Variants in DLGAP2 observed in about 807,000 individuals in gnomAD.
DLGAP2 encodes disks large-associated protein 2.
Under a neutral mutation model 100.3 loss-of-function variants are expected in DLGAP2, and 26 were observed. That is an observed-to-expected ratio of 0.26 (90% CI 0.19 to 0.36). The LOEUF (loss-of-function observed/expected upper bound fraction) is 0.36. Among genes scored for constraint, DLGAP2 ranks in the 10% least tolerant of loss-of-function variants. DLGAP2 has a pLI of 1.00. For missense variants in DLGAP2, 1,858 were observed against 1,453.2 expected (o/e 1.28, Z -4.53); for synonymous variants, 886 against 630.1 (o/e 1.41, Z -6.08).
At chr8:1,322,484 G>A (rs779392439) in intron 3 of DLGAP2, among the ~76,000 whole-genome samples, 23 of 151,592 alleles carry the variant, frequency 1.5e-4, no homozygotes, top group African/African-American at 5.1e-4. Context: ...AGCATGCTGC[G>A]TCCTGCTTCT....
chr8:1,058,573 G>T (rs987268143), intron 2 of DLGAP2, among the ~76,000 whole-genome samples: 4 of 152,186 alleles, frequency 2.6e-5, no homozygotes, highest in African/African-American at 9.6e-5. Context: ...TGGCAAAGAG[G>T]AGATCAACTT....
chr8:1,000,186 G>A (rs982757979), intron 2 of DLGAP2, among the ~76,000 whole-genome samples: 1 of 150,756 alleles, frequency 6.6e-6, no homozygotes, highest in African/African-American at 2.4e-5. Context: ...CCGGGTGGAG[G>A]TGGTTTTCTT....
chr8:1,453,431 G>A (rs540336935), intron 3 of DLGAP2, among the ~76,000 whole-genome samples: 9 of 152,274 alleles, frequency 5.9e-5, no homozygotes, highest in African/African-American at 1.7e-4. Flanking sequence ...TATTGTTAGG[G>A]TCGACCTAAT....
At chr8:1,360,860 C>T (rs917793159) in intron 3 of DLGAP2, among the ~76,000 whole-genome samples, 4 of 152,230 alleles carry the variant, frequency 2.6e-5, no homozygotes, top group African/African-American at 7.2e-5. Context: ...CGGTGAGATC[C>T]AGACAGAGAC....
At chr8:1,608,296 G>GCC in intron 6 of DLGAP2, among the ~76,000 whole-genome samples, 10 of 112,290 alleles carry the variant, frequency 8.9e-5, no homozygotes, top group African/African-American at 2.9e-4. Flanking sequence ...ACCTCACACG[G>GCC]CAGGGTATTC....
chr8:1,188,103 G>A (rs528938311), intron 2 of DLGAP2, among the ~76,000 whole-genome samples: 4 of 136,776 alleles, frequency 2.9e-5, no homozygotes, highest in Middle Eastern at 4.6e-3. Flanking sequence ...TCACACACCC[G>A]GGACCTCCGT....
intron 11 of DLGAP2, among the ~76,000 whole-genome samples, chr8:1,677,967 A>AACTT (rs1206131708): frequency 6.6e-6 from 1 of 152,210 alleles, no homozygotes. Flanking sequence ...TCATTCAATA[A>AACTT]ACTTAAATCC....
intron 3 of DLGAP2, among the ~76,000 whole-genome samples, chr8:1,421,960 C>T (rs1294619532): frequency 2.0e-5 from 3 of 151,494 alleles, no homozygotes; most frequent in Non-Finnish European, 4.4e-5. Flanking sequence ...AGTGAGACTC[C>T]ATCTCAAAAA....
intron 2 of DLGAP2, among the ~76,000 whole-genome samples, chr8:1,148,566 C>A (rs1299643974): frequency 2.8e-5 from 1 of 35,154 alleles, no homozygotes; most frequent in Non-Finnish European, 7.0e-5. Context: ...CTTAATACTT[C>A]AATTTTTTAT....
chr8:1,318,678 A>G (rs942652097), intron 3 of DLGAP2, among the ~76,000 whole-genome samples: 2 of 151,962 alleles, frequency 1.3e-5, no homozygotes, highest in East Asian at 1.9e-4. Flanking sequence ...GCCAAGCAAC[A>G]TACTAAGTTA....
At chr8:766,647 G>A (rs895482942) in intron 1 of DLGAP2, among the ~76,000 whole-genome samples, 2 of 152,150 alleles carry the variant, frequency 1.3e-5, no homozygotes, top group East Asian at 1.9e-4. Context: ...GATCATGTCC[G>A]TTGACCAGTG....
intron 2 of DLGAP2, among the ~76,000 whole-genome samples, chr8:1,208,915 G>T (rs1798050275): frequency 6.8e-6 from 1 of 147,328 alleles, no homozygotes; most frequent in Admixed American, 6.8e-5. Context: ...TAAATAAAAT[G>T]CTTAGGAATA....
rs372191750 is a variant in DLGAP2, at chr8:856,387, C to T, written c.19-51525C>T. Among the ~76,000 whole-genome samples the T allele has an allele frequency of 2.3e-4, 35 of 152,020 alleles. 1 individual carries two copies. Among genetic ancestry groups the T allele is most frequent in the Admixed American group, 1.3e-4 (2 of 15,242 alleles). On this transcript the variant is annotated intron_variant, in intron 1 of 14. Transcript: ENST00000637795. ...ATTTTTGGTAGAGATGGGATTTCTC[C>T]GTGTTGGTCAGGCTGATCTCAAACT...
chr8:1,114,304 T>C (rs1276471247), intron 2 of DLGAP2, among the ~76,000 whole-genome samples: 2 of 152,194 alleles, frequency 1.3e-5, no homozygotes, highest in Non-Finnish European at 2.9e-5. Flanking sequence ...TCTGGTAGAG[T>C]TCAGCTGTAA....
intron 2 of DLGAP2, among the ~76,000 whole-genome samples, chr8:1,239,576 CGCCGTGTCTAGTTACCTATCACATGGT>C (rs1798737157): frequency 3.7e-5 from 4 of 106,922 alleles, no homozygotes; most frequent in Admixed American, 1.0e-4. Context: ...TCTCACATGG[CGCCGTGTCTAGTTACCTATCACATGGT>C]GCCGTGTCTA....
rs746684838 is a variant in DLGAP2, at chr8:1,340,076, A to G, written c.106+81193A>G. 5.6e-4 allele frequency among the ~76,000 whole-genome samples: 85 copies of G among 152,202 alleles called. 1 individual carries two copies. The highest frequency in any genetic ancestry group is 2.1e-3 in the Admixed American group (32 of 15,278). On this transcript the variant is annotated intron_variant, in intron 3 of 14. Transcript: ENST00000637795. Reference sequence around the variant, plus strand: ...AAACTGGACCCCTTTCTTCCACCATATGCCAAAATTAATTCAAGATGCATT... The same window carrying G: ...AAACTGGACCCCTTTCTTCCACCATGTGCCAAAATTAATTCAAGATGCATT...
chr8:1,019,902 T>C (rs1222745085), intron 2 of DLGAP2, among the ~76,000 whole-genome samples: 1 of 151,856 alleles, frequency 6.6e-6, no homozygotes, highest in East Asian at 1.9e-4. Flanking sequence ...CGGGATGGCC[T>C]GTGTGTGTGT....
At chr8:1,421,965 CAAAAAAA>C (rs564254591) in intron 3 of DLGAP2, among the ~76,000 whole-genome samples, 272 of 150,732 alleles carry the variant, frequency 1.8e-3, no homozygotes, top group African/African-American at 6.4e-3. Context: ...GACTCCATCT[CAAAAAAA>C]AGAAAAAAGA....
intron 2 of DLGAP2, among the ~76,000 whole-genome samples, chr8:918,306 G>A (rs369897806): frequency 2.6e-5 from 4 of 152,232 alleles, no homozygotes; most frequent in South Asian, 4.1e-4. Context: ...GTTTCAGCCA[G>A]TCAAGGCCCC....
Sources: allele counts gnomAD v4.1 joint callset (sites outside exome capture counted in the v4.1 genomes callset), GRCh38; gene constraint gnomAD v4.1.1; transcripts MANE v1.5; gene names NCBI Gene and HGNC (gene_info 2026-07-23, HGNC 2026-07-21).